The following DSCAM variants were observed in gnomAD, a reference collection of about 807,000 sequenced individuals.
The protein encoded by DSCAM is DS cell adhesion molecule, also known as cell adhesion molecule DSCAM.
A neutral mutation model predicts 217.7 loss-of-function variants in DSCAM; 47 were observed. The observed-to-expected ratio is 0.22, with a 90% CI of 0.17 to 0.28. The LOEUF (loss-of-function observed/expected upper bound fraction) is 0.28. Ranked by LOEUF, DSCAM falls within the 10% of genes least tolerant of loss-of-function variation. DSCAM has a pLI of 1.00. For missense variants in DSCAM, 2,080 were observed against 2,618.3 expected, an observed-to-expected ratio of 0.79 and a Z score of 4.49; for synonymous variants, 1,056 against 1,015.3, an observed-to-expected ratio of 1.04 and a Z score of -0.76.
intron 1 of DSCAM, among the ~76,000 whole-genome samples, chr21:40,781,923 C>A (rs1448786083): frequency 7.5e-6 from 1 of 133,760 alleles, no homozygotes; most frequent in Non-Finnish European, 1.5e-5. Flanking sequence ...CCGAGGTGGG[C>A]GGATCACGAG....
intron 10 of DSCAM, among the ~76,000 whole-genome samples, chr21:40,291,716 T>C (rs563052380): frequency 6.6e-6 from 1 of 152,314 alleles, no homozygotes; most frequent in African/African-American, 2.4e-5. Flanking sequence ...CCTGGGGTAT[T>C]TTGACAATGC....
At chr21:40,469,121 G>A (rs1484981411) in intron 3 of DSCAM, among the ~76,000 whole-genome samples, 1 of 152,128 alleles carries the variant, frequency 6.6e-6, no homozygotes, top group Non-Finnish European at 1.5e-5. Flanking sequence ...CCGAAGGTCA[G>A]CAATCAGAAC....
intron 27 of DSCAM, among the ~76,000 whole-genome samples, chr21:40,071,963 A>T (rs1382476383): frequency 6.6e-6 from 1 of 152,206 alleles, no homozygotes; most frequent in African/African-American, 2.4e-5. Flanking sequence ...TTCTGGGGCA[A>T]TGCCTGACCT....
At chr21:40,744,371 G>A (rs530887912) in intron 1 of DSCAM, among the ~76,000 whole-genome samples, 15 of 152,094 alleles carry the variant, frequency 9.9e-5, no homozygotes, top group South Asian at 4.2e-4. Context: ...AAGCATGATC[G>A]GCAGGAAGGT....
chr21:40,538,895 C>T (rs1183591191), intron 3 of DSCAM, among the ~76,000 whole-genome samples: 3 of 152,108 alleles, frequency 2.0e-5, no homozygotes, highest in Admixed American at 6.5e-5. Flanking sequence ...CTCTGGGTTC[C>T]GTCTTTCCTT....
chr21:40,711,736 C>A (rs1044791106), intron 1 of DSCAM, among the ~76,000 whole-genome samples: 4 of 152,118 alleles, frequency 2.6e-5, no homozygotes, highest in African/African-American at 9.7e-5. Context: ...AAGCCTGGCC[C>A]CCTCGTGTTA....
intron 11 of DSCAM, among the ~76,000 whole-genome samples, chr21:40,271,641 T>C (rs1997541): frequency 0.99 from 151,485 of 152,326 alleles, 75,327 homozygotes; most frequent in Middle Eastern, 1. Context: ...GTCACGCAAA[T>C]CTGCCTCCAC....
At chr21:40,626,383 G>A (rs139934687) in intron 3 of DSCAM, among the ~76,000 whole-genome samples, 187 of 152,160 alleles carry the variant, frequency 1.2e-3, no homozygotes, top group African/African-American at 4.0e-3. Flanking sequence ...TGATCTCTCT[G>A]CACCCATACT....
intron 3 of DSCAM, among the ~76,000 whole-genome samples, chr21:40,629,077 G>GTA: frequency 8.9e-4 from 1 of 1,118 alleles, no homozygotes; most frequent in Non-Finnish European, 2.1e-3. Flanking sequence ...TGTGTGTGTG[G>GTA]TGTGTGTGTG....
intron 3 of DSCAM, among the ~76,000 whole-genome samples, chr21:40,536,509 C>G (rs140504480): frequency 2.4e-3 from 355 of 150,152 alleles, no homozygotes; most frequent in African/African-American, 8.1e-3. Context: ...TCACGCCATT[C>G]TCCTGCCTCA....
At chr21:40,525,020 A>AAAAAAG in intron 3 of DSCAM, among the ~76,000 whole-genome samples, 1 of 151,626 alleles carries the variant, frequency 6.6e-6, no homozygotes, top group African/African-American at 2.4e-5. Context: ...AAAAAAAAAA[A>AAAAAAG]AAAAAAAAAA....
chr21:40,581,546 C>T (rs1489634292), intron 3 of DSCAM, among the ~76,000 whole-genome samples: 1 of 152,208 alleles, frequency 6.6e-6, no homozygotes, highest in Non-Finnish European at 1.5e-5. Context: ...AACTTTCTCA[C>T]TTCCTCCCAG....
At chr21:40,283,106 ATTTG>A (rs1220963824) in intron 10 of DSCAM, among the ~76,000 whole-genome samples, 2 of 152,238 alleles carry the variant, frequency 1.3e-5, no homozygotes, top group African/African-American at 4.8e-5. Context: ...AAGGGCTAGC[ATTTG>A]TTTAATTGGA....
At chr21:40,608,746 T>C (rs1033478729) in intron 3 of DSCAM, among the ~76,000 whole-genome samples, 2 of 152,224 alleles carry the variant, frequency 1.3e-5, no homozygotes, top group African/African-American at 4.8e-5. Flanking sequence ...TTGGGAAATT[T>C]AAATAAATTC....
intron 16 of DSCAM, among the ~76,000 whole-genome samples, chr21:40,159,618 G>A (rs1465794058): frequency 2.6e-5 from 4 of 152,096 alleles, no homozygotes; most frequent in South Asian, 2.1e-4. Flanking sequence ...GTCTTGCTCT[G>A]CCACTCAGGC....
chr21:40,291,574 C>A (rs1299179770), intron 10 of DSCAM, among the ~76,000 whole-genome samples: 1 of 152,200 alleles, frequency 6.6e-6, no homozygotes, highest in Non-Finnish European at 1.5e-5. Flanking sequence ...TCATTCCAGG[C>A]ATCAACCTCC....
intron 1 of DSCAM, among the ~76,000 whole-genome samples, chr21:40,771,452 A>G (rs770537532): frequency 5.3e-5 from 8 of 152,190 alleles, no homozygotes; most frequent in Non-Finnish European, 1.2e-4. Flanking sequence ...CCCCTTGAAA[A>G]TGTGTTCTTG....
chr21:40,836,360 G>T (rs2092056476), intron 1 of DSCAM, among the ~76,000 whole-genome samples: 1 of 152,182 alleles, frequency 6.6e-6, no homozygotes, highest in African/African-American at 2.4e-5. Flanking sequence ...AAGAAAAAAT[G>T]GTGCAAAGAG....
intron 3 of DSCAM, among the ~76,000 whole-genome samples, chr21:40,548,171 G>A (rs1297646084): frequency 1.3e-5 from 2 of 152,160 alleles, no homozygotes; most frequent in Non-Finnish European, 2.9e-5. Context: ...AGAAAAAAGC[G>A]CCAGCTCCTC....
Sources: gnomAD v4.1 joint callset for allele counts (sites outside exome capture counted in the v4.1 genomes callset) on GRCh38, gnomAD v4.1.1 for gene constraint, MANE v1.5 for transcripts, NCBI Gene and HGNC (gene_info 2026-07-23, HGNC 2026-07-21) for gene names.